CXCL13: variants seen among roughly 807,000 people sequenced by gnomAD.
CXCL13 encodes C-X-C motif chemokine 13.
A neutral mutation model predicts 12.2 loss-of-function variants in CXCL13; 7 were observed. The observed-to-expected ratio is 0.57, with a 90% CI of 0.33 to 1.07. The LOEUF is 1.07. Among genes scored for constraint, CXCL13 ranks in the 50% least tolerant of loss-of-function variants. The probability of loss-of-function intolerance (pLI) is 0.04; values close to 1 mark genes in which losing one functional copy is unlikely to be tolerated. For missense variants in CXCL13, 113 were observed against 127.4 expected, an observed-to-expected ratio of 0.89 and a Z score of 0.55; for synonymous variants, 47 against 42.4, an observed-to-expected ratio of 1.11 and a Z score of -0.42.
chr4:77,599,168 A>G (rs74758114), intron 1 of CXCL13, among the ~76,000 whole-genome samples: 1 of 151,936 alleles, frequency 6.6e-6, no homozygotes, highest in African/African-American at 2.4e-5. Flanking sequence ...GAGCTAGAGG[A>G]AAAAAAACAT....
intron 1 of CXCL13, among the ~76,000 whole-genome samples, chr4:77,574,479 G>T (rs1376873256): frequency 6.6e-6 from 1 of 151,892 alleles, no homozygotes; most frequent in East Asian, 1.9e-4. Flanking sequence ...ACAACTTTTA[G>T]CCTTGGTGTG....
At chr4:77,603,410 G>C (rs1345801846), upstream of CXCL13, among the ~76,000 whole-genome samples, 1 of 152,178 alleles carries the variant, frequency 6.6e-6, no homozygotes, top group Non-Finnish European at 1.5e-5. Context: ...CCTCTAGCTT[G>C]TACTGGCAAA....
intron 2 of CXCL13, among the ~76,000 whole-genome samples, chr4:77,609,789 G>A (rs1727101005): frequency 6.6e-6 from 1 of 152,178 alleles, no homozygotes; most frequent in Non-Finnish European, 1.5e-5. Flanking sequence ...TCATGCTCAT[G>A]AAAAACAGTG....
At chr4:77,549,475 A>G (rs1725455541) in intron 1 of CXCL13, among the ~76,000 whole-genome samples, 1 of 152,150 alleles carries the variant, frequency 6.6e-6, no homozygotes, top group Non-Finnish European at 1.5e-5. Flanking sequence ...TTGTGGTTTT[A>G]TCTACCTTTG....
chr4:77,532,941 A>AT (rs1255387977), intron 1 of CXCL13, among the ~76,000 whole-genome samples: 6 of 150,982 alleles, frequency 4.0e-5, no homozygotes, highest in South Asian at 2.1e-4. Flanking sequence ...CATTCATCTA[A>AT]TTTTTTTTTA....
At chr4:77,512,930 C>T (rs367967812) in intron 1 of CXCL13, among the ~76,000 whole-genome samples, 2 of 152,078 alleles carry the variant, frequency 1.3e-5, no homozygotes, top group Non-Finnish European at 1.5e-5. Context: ...CCTCACCACT[C>T]CCCCAACCCC....
At chr4:77,539,949 G>C (rs1725160956) in intron 1 of CXCL13, among the ~76,000 whole-genome samples, 1 of 152,054 alleles carries the variant, frequency 6.6e-6, no homozygotes, top group African/African-American at 2.4e-5. Flanking sequence ...TCAAAACCAA[G>C]AGTCTCTATT....
chr4:77,570,230 C>T (rs1289079874), intron 1 of CXCL13, among the ~76,000 whole-genome samples: 1 of 152,122 alleles, frequency 6.6e-6, no homozygotes, highest in Non-Finnish European at 1.5e-5. Context: ...GTTGAAGATG[C>T]CAAAAGCAAT....
chr4:77,549,743 G>A (rs1294555938), intron 1 of CXCL13, among the ~76,000 whole-genome samples: 1 of 152,176 alleles, frequency 6.6e-6, no homozygotes, highest in Non-Finnish European at 1.5e-5. Flanking sequence ...GCTGTATGAG[G>A]TGTCAGTCAG....
intron 2 of CXCL13, among the ~76,000 whole-genome samples, chr4:77,609,569 A>C (rs1267626287): frequency 6.6e-6 from 1 of 151,978 alleles, no homozygotes; most frequent in African/African-American, 2.4e-5. Context: ...CAGCCTCCCA[A>C]AGTGCTGGGA....
intron 1 of CXCL13, among the ~76,000 whole-genome samples, chr4:77,512,394 G>C (rs1439220959): frequency 6.6e-6 from 1 of 152,158 alleles, no homozygotes; most frequent in Non-Finnish European, 1.5e-5. Context: ...AGCTTCCATA[G>C]CACAGTAACA....
rs561563730 is a variant in CXCL13, at chr4:77,541,844, G to A, written c.-43+30056G>A. Among the ~76,000 whole-genome samples the A allele has an allele frequency of 3.3e-5, 5 of 152,242 alleles. 1 individual carries two copies. The South Asian group carries it at 8.3e-4, about 25-fold the overall frequency. ...TTAATGATATTGATTCCAATCATGA[G>A]CATGGAATGTTTTTCCATTTGTTTA... is the stretch of plus-strand genomic sequence containing the variant. On this transcript the variant is annotated intron_variant, in intron 1 of 4. Coordinates refer to the CXCL13 transcript ENST00000286758.
At chr4:77,533,675 G>A (rs916270127) in intron 1 of CXCL13, among the ~76,000 whole-genome samples, 1 of 152,158 alleles carries the variant, frequency 6.6e-6, no homozygotes, top group East Asian at 1.9e-4. Flanking sequence ...GCTGTGGTGG[G>A]CTCCACTCAG....
chr4:77,519,032 T>G (rs1235115036), intron 1 of CXCL13, among the ~76,000 whole-genome samples: 1 of 152,206 alleles, frequency 6.6e-6, no homozygotes, highest in African/African-American at 2.4e-5. Flanking sequence ...CAGCTGCAAG[T>G]CTGTTGGAGT....
chr4:77,515,886 A>G (rs1201602893), intron 1 of CXCL13, among the ~76,000 whole-genome samples: 1 of 152,190 alleles, frequency 6.6e-6, no homozygotes. Flanking sequence ...GTCTTGCACC[A>G]GTTTTCAAAG....
intron 1 of CXCL13, among the ~76,000 whole-genome samples, chr4:77,570,649 G>T (rs1328409760): frequency 6.6e-6 from 1 of 152,192 alleles, no homozygotes; most frequent in African/African-American, 2.4e-5. Flanking sequence ...CCCTCAGTTT[G>T]CAGGGAGGTG....
intron 1 of CXCL13, among the ~76,000 whole-genome samples, chr4:77,526,338 AT>A (rs1268720624): frequency 6.6e-6 from 1 of 152,154 alleles, no homozygotes; most frequent in Non-Finnish European, 1.5e-5. Flanking sequence ...AATGTGAAAC[AT>A]TCATCTAATA....
intron 1 of CXCL13, among the ~76,000 whole-genome samples, chr4:77,566,831 C>G (rs1725934351): frequency 6.6e-6 from 1 of 152,114 alleles, no homozygotes; most frequent in African/African-American, 2.4e-5. Flanking sequence ...GATATCCAAC[C>G]AGTTGTACTT....
intron 1 of CXCL13, among the ~76,000 whole-genome samples, chr4:77,528,912 G>A (rs1724837676): frequency 6.6e-6 from 1 of 152,192 alleles, no homozygotes; most frequent in Admixed American, 6.5e-5. Flanking sequence ...ATGGTTTCAG[G>A]TCTAACATTT....
Sources: gnomAD v4.1 joint callset for allele counts (sites outside exome capture counted in the v4.1 genomes callset) on GRCh38, gnomAD v4.1.1 for gene constraint, MANE v1.5 for transcripts, NCBI Gene and HGNC (gene_info 2026-07-23, HGNC 2026-07-21) for gene names.